SPG7: variants seen among roughly 807,000 people sequenced by gnomAD.
The protein encoded by SPG7 is SPG7 matrix AAA peptidase subunit, paraplegin, also known as mitochondrial inner membrane m-AAA protease component paraplegin.
In SPG7, 103 loss-of-function variants were observed where a neutral mutation model predicts 81.9. That is an observed-to-expected ratio of 1.26 (90% CI 1.07 to 1.48). The LOEUF is 1.48. Among genes scored for constraint, SPG7 ranks in the 40% most tolerant of loss-of-function variants. The pLI is 0.00. For missense variants in SPG7, 1,241 were observed against 1,087.3 expected, an observed-to-expected ratio of 1.14 and a Z score of -1.99; for synonymous variants, 534 against 444.2, an observed-to-expected ratio of 1.20 and a Z score of -2.54.
intron 3 of SPG7, chr16:89,518,779 G>A (rs113797793): frequency 2.6e-5 from 4 of 152,152 alleles, no homozygotes; most frequent in African/African-American, 4.8e-5. Context: ...GGTTAAGGAT[G>A]GGGGAAGGAG....
In SPG7 at chr16:89,526,325, C is replaced by G. The variant is rs754935334; in HGVS notation, c.619-4C>G. On this transcript the variant is annotated splice_polypyrimidine_tract_variant and splice_region_variant and intron_variant, in intron 4 of 16. Transcript: ENST00000645818. ...CATGGTCCCCTCTCCTTTCTGCCCC[C>G]CAGCGGCTAGCCTTGATGTACCGAA... 1.2e-5 allele frequency: 19 copies of G among 1,613,894 alleles called. No individual in the cohort carries two copies. Among genetic ancestry groups the G allele is most frequent in the East Asian group, 1.1e-4 (5 of 44,896 alleles).
chr16:89,544,174 A>G (rs774078590), intron 9 of SPG7: 18 of 256,150 alleles, frequency 7.0e-5, no homozygotes, highest in Non-Finnish European at 1.3e-4. Flanking sequence ...TTCTGGACTC[A>G]CTTTTAAATT....
intron 15 of SPG7, 88 bp downstream of exon 15, chr16:89,554,048 C>A (rs1597665387): frequency 3.4e-6 from 5 of 1,452,074 alleles, no homozygotes; most frequent in Non-Finnish European, 3.8e-6. Flanking sequence ...CCCACGGCCG[C>A]CCCAGCGGAG....
intron 9 of SPG7, 133 bp downstream of exon 9, chr16:89,532,769 C>G: frequency 1.1e-6 from 1 of 930,672 alleles, no homozygotes. Flanking sequence ...GACTCTGTCT[C>G]AAGAAAAAAA....
rs74716289 is a variant in SPG7 at position 89,545,649 on chromosome 16, C to G, written c.1449+877C>G. On this transcript the variant is annotated intron_variant, in intron 10 of 16. Coordinates refer to ENST00000645818, the MANE Select transcript of SPG7 (RefSeq NM_003119.4). ...TTTCTCCAGGGGATGGCAGCTTCTC[C>G]AGGGGACACGGCTTCTCCAGGGGAG... The G allele has an allele frequency of 3.2e-3, 818 of 257,552 alleles. 7 individuals are homozygous for G. Among genetic ancestry groups the G allele is most frequent in the African/African-American group, 0.018 (779 of 42,204 alleles). 16.0% of individuals were successfully genotyped at this position (257,552 alleles called of 1,614,324 possible). A position where few individuals can be genotyped will look rare whatever the true frequency, so the allele number is the denominator to read the frequency against.
At chr16:89,522,009 T>A (rs1207945139) in intron 3 of SPG7, 2 of 152,170 alleles carry the variant, frequency 1.3e-5, no homozygotes, top group African/African-American at 4.8e-5. Flanking sequence ...ACCCCATGTT[T>A]CTAGTAGAAA....
Position 89,544,776 on chromosome 16 carries a change from A to G in SPG7, c.1449+4A>G, listed in dbSNP as rs755481193. 2 of 1,613,806 alleles carry G rather than the reference A, an allele frequency of 1.2e-6. No homozygotes were observed. The highest frequency in any genetic ancestry group is 1.3e-5 in the African/African-American group (1 of 75,064). ...CATTGATCTCCCCACGCTGCAGGTCAGAGCCAGGATCCCAGCCTCTCCCAC... is the reference window on the plus strand; with the variant it reads ...CATTGATCTCCCCACGCTGCAGGTCGGAGCCAGGATCCCAGCCTCTCCCAC... On this transcript the variant is annotated splice_donor_region_variant and intron_variant, in intron 10 of 16. Coordinates refer to ENST00000645818, the MANE Select transcript of SPG7 (RefSeq NM_003119.4).
chr16:89,547,095 G>C (rs898109082), intron 11 of SPG7: 10 of 348,724 alleles, frequency 2.9e-5, no homozygotes, highest in African/African-American at 2.1e-4. Context: ...CGCAGTCCCG[G>C]CAAAGCCGCC....
At chr16:89,525,254 A>T (rs2058245337) in intron 4 of SPG7, among the ~76,000 whole-genome samples, 1 of 152,236 alleles carries the variant, frequency 6.6e-6, no homozygotes, top group Admixed American at 6.5e-5. Flanking sequence ...GGCGTCAGCC[A>T]CCACGCCTGG....
intron 9 of SPG7, chr16:89,541,311 A>G: frequency 1.0e-6 from 1 of 985,442 alleles, no homozygotes; most frequent in Non-Finnish European, 1.2e-6. Flanking sequence ...AGTAGAAGGA[A>G]ACTTTCTTCC....
intron 2 of SPG7, among the ~76,000 whole-genome samples, chr16:89,511,201 T>G (rs746702130): frequency 2.0e-5 from 3 of 152,226 alleles, no homozygotes; most frequent in Admixed American, 1.3e-4. Context: ...GAAAAAGGTT[T>G]TTCGTGTTAT....
intron 5 of SPG7, chr16:89,529,144 G>T: frequency 2.6e-6 from 1 of 378,648 alleles, no homozygotes; most frequent in Non-Finnish European, 5.1e-6. Flanking sequence ...GGCTGATCTT[G>T]CCTGCCTGAT....
At chr16:89,521,500 T>G (rs2058187558) in intron 3 of SPG7, 1 of 152,268 alleles carries the variant, frequency 6.6e-6, no homozygotes, top group Non-Finnish European at 1.5e-5. Flanking sequence ...CCCAGCACTT[T>G]GGGAGGCTGA....
intron 13 of SPG7, chr16:89,552,324 G>C (rs113907070): frequency 6.4e-6 from 1 of 155,224 alleles, no homozygotes; most frequent in African/African-American, 2.4e-5. Flanking sequence ...AACTCCCAAA[G>C]TACCGAGATC....
intron 6 of SPG7, 128 bp downstream of exon 6, chr16:89,529,707 G>C: frequency 1.3e-6 from 1 of 741,300 alleles, no homozygotes; most frequent in Non-Finnish European, 2.4e-6. Context: ...GCCACAATTA[G>C]ACAGCAGCTC....
chr16:89,550,034 G>A (rs969670857), intron 12 of SPG7: 3 of 253,108 alleles, frequency 1.2e-5, no homozygotes, highest in East Asian at 9.8e-5. Flanking sequence ...GAAGAGTGTC[G>A]TTTTGAGTTG....
intron 1 of SPG7, 85 bp downstream of exon 1, chr16:89,508,685 C>T: frequency 7.6e-7 from 1 of 1,321,926 alleles, no homozygotes; most frequent in East Asian, 2.6e-5. Flanking sequence ...CGGAGGCCGC[C>T]TGGCCCCTGC....
intron 8 of SPG7, 98 bp downstream of exon 8, chr16:89,532,164 T>G (rs2058352515): frequency 1.6e-5 from 19 of 1,210,178 alleles, no homozygotes; most frequent in Non-Finnish European, 2.2e-5. Flanking sequence ...GGGACACGGG[T>G]GGGTGGGGGA....
chr16:89,538,900 CTTG>C (rs2058462539), intron 9 of SPG7: 1 of 152,296 alleles, frequency 6.6e-6, no homozygotes, highest in Admixed American at 6.5e-5. Context: ...AGTTTGGTTG[CTTG>C]TTTTTTGGAC....
Sources: allele counts gnomAD v4.1 joint callset (sites outside exome capture counted in the v4.1 genomes callset), GRCh38; gene constraint gnomAD v4.1.1; transcripts MANE v1.5; gene names NCBI Gene and HGNC (gene_info 2026-07-23, HGNC 2026-07-21).